Variants in ARID2 observed in about 807,000 individuals in gnomAD.
ARID2 encodes the protein AT-rich interactive domain-containing protein 2.
In ARID2, 32 loss-of-function variants were observed where a neutral mutation model predicts 184.6. The ratio of observed to expected loss-of-function variants is 0.17; its 90% CI spans 0.13 to 0.23. The LOEUF is 0.23. ARID2 is among the 10% of genes least tolerant of loss of function. The pLI, the probability that ARID2 is intolerant of heterozygous loss-of-function variation, is 1.00. For synonymous variants in ARID2, 836 were observed against 772.6 expected, an observed-to-expected ratio of 1.08 and a Z score of -1.36; for missense variants, 1,696 against 2,197.6, an observed-to-expected ratio of 0.77 and a Z score of 4.56.
intron 2 of ARID2, among the ~76,000 whole-genome samples, chr12:45,730,782 G>T (rs1940974785): frequency 6.7e-6 from 1 of 150,146 alleles, no homozygotes; most frequent in Non-Finnish European, 1.5e-5. Context: ...GAGATGGATA[G>T]ATCTGGGAGA....
intron 13 of ARID2, 36 bp downstream of exon 13, chr12:45,849,006 C>T (rs374276148): frequency 3.4e-5 from 54 of 1,587,638 alleles, no homozygotes; most frequent in East Asian, 2.0e-4. Context: ...AGTCCATTTA[C>T]GTCACTTACA....
chr12:45,731,293 C>T lies in ARID2; in HGVS notation c.263C>T (p.Ala88Val). 6.2e-7 allele frequency: 1 copy of T among 1,613,704 alleles called. No homozygotes were observed. The highest frequency in any genetic ancestry group is 1.1e-5 in the South Asian group (1 of 91,074). ...AGAAGTTGTTCTAACGCTGCCTTTG[C>T]TTTAAAACAGTATTACTTGCGGTGA... is the stretch of plus-strand genomic sequence containing the variant. ...FPRSCSNAAF[A>V]LKQYYLRYLE... The change falls in exon 3 of 21, where the codon GCT (alanine) becomes GTT (valine). Residue 88 changes from alanine to valine, a missense_variant. Ala to Val is a moderately conservative substitution (Grantham distance 64). Transcript: ENST00000334344.
Position 45,857,228 on chromosome 12 carries a change from A to C in ARID2, c.4774-3573A>C, listed in dbSNP as rs181294173. Among the ~76,000 whole-genome samples the C allele has an allele frequency of 1.8e-3, 270 of 152,358 alleles. 2 individuals are homozygous for C. The highest frequency in any genetic ancestry group is 6.3e-3 in the African/African-American group (262 of 41,590). On this transcript the variant is annotated intron_variant, in intron 15 of 20. Coordinates refer to ENST00000334344, the MANE Select transcript of ARID2 (RefSeq NM_152641.4). ...CTCGCCTCAATTCAGAGTGTAAATC[A>C]TTCCTAATAATGGTACTGTGTAACA...
Position 45,905,373 on chromosome 12 carries a change from T to A in ARID2, c.*295T>A. On this transcript the variant is annotated 3_prime_UTR_variant, in exon 21 of 21. Coordinates refer to ENST00000334344, the MANE Select transcript of ARID2 (RefSeq NM_152641.4). ...TAAATCCTGATGGAAACTGGTATGA[T>A]CAGAATTCAGTACCATCCACATTGG... 3.4e-6 allele frequency: 1 copy of A among 291,492 alleles called. No homozygotes were observed. The highest frequency in any genetic ancestry group is 6.4e-6 in the Non-Finnish European group (1 of 155,322). The allele number at this position is 291,492 out of a possible 1,614,324, so 18.1% of individuals were successfully genotyped here. A position where few individuals can be genotyped will look rare whatever the true frequency, so the allele number is the denominator to read the frequency against.
At chr12:45,814,025 A>G (rs964229315) in intron 4 of ARID2, among the ~76,000 whole-genome samples, 3 of 152,162 alleles carry the variant, frequency 2.0e-5, no homozygotes, top group Non-Finnish European at 2.9e-5. Flanking sequence ...ATCCAACTCA[A>G]TCATTTTAAT....
At chr12:45,884,956 A>G (rs1023945933) in intron 16 of ARID2, among the ~76,000 whole-genome samples, 3 of 152,196 alleles carry the variant, frequency 2.0e-5, no homozygotes, top group African/African-American at 4.8e-5. Flanking sequence ...AGGAACAGCA[A>G]TATTTTGTTT....
chr12:45,743,942 A>G (rs181546284), intron 3 of ARID2, among the ~76,000 whole-genome samples: 1 of 152,036 alleles, frequency 6.6e-6, no homozygotes, highest in Non-Finnish European at 1.5e-5. Context: ...TTGAACTTTT[A>G]TATTTTCTAA....
At position 45,907,741 on chromosome 12, in the gene ARID2, T is replaced by C. The variant is rs1944548670; in HGVS notation, c.*2663T>C. 4.3e-6 allele frequency: 1 copy of C among 232,920 alleles called. No individual in the cohort carries two copies. 14.4% of individuals were successfully genotyped at this position (232,920 alleles called of 1,614,324 possible). A position where few individuals can be genotyped will look rare whatever the true frequency, so the allele number is the denominator to read the frequency against. On this transcript the variant is annotated 3_prime_UTR_variant, in exon 21 of 21. Transcript: ENST00000334344. ...GTCTAAAGTTCTGTAAATACATGCTTTAATGTTATCTTTGAGAAATCTATG... is the reference window on the plus strand; with the variant it reads ...GTCTAAAGTTCTGTAAATACATGCTCTAATGTTATCTTTGAGAAATCTATG...
intron 3 of ARID2, among the ~76,000 whole-genome samples, chr12:45,763,734 C>T (rs1197419146): frequency 1.3e-5 from 2 of 152,070 alleles, no homozygotes; most frequent in Non-Finnish European, 2.9e-5. Flanking sequence ...CAAGCGATGC[C>T]GCCACCTTGG....
chr12:45,837,908 A>G (rs762715945), intron 10 of ARID2, among the ~76,000 whole-genome samples: 1 of 152,326 alleles, frequency 6.6e-6, no homozygotes, highest in Non-Finnish European at 1.5e-5. Flanking sequence ...TACATTCTTT[A>G]ACGTTATGCA....
At chr12:45,745,017 C>G (rs983781945) in intron 3 of ARID2, among the ~76,000 whole-genome samples, 35 of 152,154 alleles carry the variant, frequency 2.3e-4, no homozygotes, top group Admixed American at 2.2e-3. Flanking sequence ...GTAAGCAGCA[C>G]TCTTTAGAGT....
At chr12:45,732,087 C>CT (rs1396061093) in intron 3 of ARID2, among the ~76,000 whole-genome samples, 5 of 149,434 alleles carry the variant, frequency 3.3e-5, no homozygotes, top group African/African-American at 1.2e-4. Flanking sequence ...TTTTTTGCCT[C>CT]TAGTTTTTCT....
chr12:45,811,674 A>T lies in ARID2; in HGVS notation c.418+123A>T, dbSNP rs762765506. The T allele has an allele frequency of 4.1e-6, 4 of 976,928 alleles. No individual in the cohort carries two copies. The East Asian group carries it at 1.2e-4, about 30-fold the overall frequency. The allele number at this position is 976,928 out of a possible 1,614,324, so 60.5% of individuals were successfully genotyped here. A position where few individuals can be genotyped will look rare whatever the true frequency, so the allele number is the denominator to read the frequency against. Reference sequence around the variant, plus strand: ...AACACTTAAGGCCTTAAGGTAATGCAGCTTTCAAAGATTGACATCTAATTG... The same window carrying T: ...AACACTTAAGGCCTTAAGGTAATGCTGCTTTCAAAGATTGACATCTAATTG... On this transcript the variant is annotated intron_variant, in intron 4 of 20. Transcript: ENST00000334344.
At chr12:45,782,693 C>T (rs1449599335) in intron 3 of ARID2, among the ~76,000 whole-genome samples, 1 of 152,018 alleles carries the variant, frequency 6.6e-6, no homozygotes. Flanking sequence ...TATATACTAA[C>T]AAGTGGCAGA....
intron 20 of ARID2, among the ~76,000 whole-genome samples, chr12:45,898,105 GA>G (rs953889577): frequency 2.8e-4 from 43 of 151,620 alleles, no homozygotes; most frequent in African/African-American, 1.0e-3. Flanking sequence ...GCCTACAAAG[GA>G]AAAAAAATTC....
In ARID2 at chr12:45,907,766, G is replaced by GT. The variant is rs915801656; in HGVS notation, c.*2689dup. 19 of 232,702 alleles carry GT rather than the reference G, an allele frequency of 8.2e-5. No individual in the cohort carries two copies. Among genetic ancestry groups the GT allele is most frequent in the Middle Eastern group, 2.6e-3 (2 of 780 alleles). The allele number at this position is 232,702 out of a possible 1,614,324, so 14.4% of individuals were successfully genotyped here. A position where few individuals can be genotyped will look rare whatever the true frequency, so the allele number is the denominator to read the frequency against. On this transcript the variant is annotated 3_prime_UTR_variant, in exon 21 of 21. Transcript: ENST00000334344. The stretch of plus-strand genomic sequence containing the variant: ...TTAATGTTATCTTTGAGAAATCTAT[G>GT]TAAATAATATAGTCTACAACATAGA...
rs1001568342 is a variant in ARID2, at chr12:45,853,014, T to G, written c.4773+118T>G. 7.9e-6 allele frequency: 11 copies of G among 1,394,718 alleles called. No homozygotes were observed. The Admixed American group carries it at 1.3e-4, about 16-fold the overall frequency. The allele number at this position is 1,394,718 out of a possible 1,614,324, so 86.4% of individuals were successfully genotyped here. A position where few individuals can be genotyped will look rare whatever the true frequency, so the allele number is the denominator to read the frequency against. On this transcript the variant is annotated intron_variant, in intron 15 of 20. Coordinates refer to ENST00000334344, the MANE Select transcript of ARID2 (RefSeq NM_152641.4). ...TGAAAAGTTACTGTATCAGCTCACT[T>G]GTATCCAACCTGTCCTTTTCTTTTT...
At chr12:45,791,718 C>T (rs1942294568) in intron 3 of ARID2, among the ~76,000 whole-genome samples, 1 of 152,142 alleles carries the variant, frequency 6.6e-6, no homozygotes, top group Non-Finnish European at 1.5e-5. Flanking sequence ...CTGCAGCCTC[C>T]CAAGTAGGTG....
chr12:45,825,896 T>G (rs1942989464), intron 6 of ARID2, among the ~76,000 whole-genome samples: 1 of 151,914 alleles, frequency 6.6e-6, no homozygotes, highest in Admixed American at 6.6e-5. Context: ...TCTGGAAACT[T>G]TCATGTAGAT....
Sources: gnomAD v4.1 joint callset for allele counts (sites outside exome capture counted in the v4.1 genomes callset) on GRCh38, gnomAD v4.1.1 for gene constraint, MANE v1.5 for transcripts, NCBI Gene and HGNC (gene_info 2026-07-23, HGNC 2026-07-21) for gene names.